The following GRK1 variants were observed in gnomAD, a reference collection of about 807,000 sequenced individuals.
The protein encoded by GRK1 is rhodopsin kinase GRK1.
GRK1 carries 28 observed loss-of-function variants against 41.7 expected under a neutral mutation model. That is an observed-to-expected ratio of 0.67 (90% CI 0.50 to 0.92). The LOEUF (loss-of-function observed/expected upper bound fraction) is 0.92. GRK1 is among the 40% of genes least tolerant of loss of function. The pLI is 0.00. For missense variants in GRK1, 703 were observed against 671.2 expected (o/e 1.05, Z -0.52); for synonymous variants, 327 against 286.7 (o/e 1.14, Z -1.42).
chr13:113,728,057 G>A (rs1320989092), intron 4 of GRK1, among the ~76,000 whole-genome samples: 2 of 70,616 alleles, frequency 2.8e-5, no homozygotes, highest in Non-Finnish European at 5.8e-5. Context: ...GCGATGAGGA[G>A]TACCCATGGC....
Position 113,723,130 on chromosome 13 carries a change from A to G in GRK1, c.1042A>G (p.Lys348Glu). 2 of 701,820 alleles carry G rather than the reference A, an allele frequency of 2.8e-6. No homozygotes were observed. The highest frequency in any genetic ancestry group is 5.2e-6 in the Non-Finnish European group (2 of 384,164). 43.5% of individuals were successfully genotyped at this position (701,820 alleles called of 1,614,324 possible). A position where few individuals can be genotyped will look rare whatever the true frequency, so the allele number is the denominator to read the frequency against. Residue 348 changes from lysine (K) to glutamate (E), a missense_variant, in exon 4 of 7, where the codon AAG (lysine) becomes GAG (glutamate). Coordinates refer to ENST00000335678, the MANE Select transcript of GRK1 (RefSeq NM_002929.3). ...LAVELLDGQS[K>E]TKGYAGTPGF... ...CGTGGAGCTGCTGGACGGACAGAGC[A>G]AGACCAAGGGCTACGCAGGGACCCC...
chr13:113,734,009 C>T (rs570603098), intron 6 of GRK1, among the ~76,000 whole-genome samples: 34 of 72,850 alleles, frequency 4.7e-4, no homozygotes, highest in African/African-American at 2.2e-3. Flanking sequence ...TGTGCGTGTG[C>T]GTGCATGTGT....
At chr13:113,658,808 A>AT in the GRK1 span, among the ~76,000 whole-genome samples, 1 of 152,138 alleles carries the variant, frequency 6.6e-6, no homozygotes, top group South Asian at 2.1e-4. Context: ...GCCCTTTAGG[A>AT]TTTTTTTGTG....
intron 6 of GRK1, among the ~76,000 whole-genome samples, chr13:113,733,551 G>GCA (rs2049955443): frequency 6.6e-6 from 1 of 151,308 alleles, no homozygotes; most frequent in African/African-American, 2.4e-5. Context: ...GCGTGTGCGC[G>GCA]CACGTGTGTC....
At chr13:113,652,940 G>A in the GRK1 span, 2 of 1,614,244 alleles carry the variant, frequency 1.2e-6, no homozygotes, top group Non-Finnish European at 1.7e-6. Flanking sequence ...CGCCAGGCCT[G>A]AGCAGTTCTG....
At chr13:113,655,744 T>C in the GRK1 span, among the ~76,000 whole-genome samples, 2 of 152,328 alleles carry the variant, frequency 1.3e-5, no homozygotes, top group Non-Finnish European at 2.9e-5. Flanking sequence ...AAGTCTGTAA[T>C]GAACTGGGCC....
rs2049995924 is a variant in GRK1 at position 113,735,342 on chromosome 13, A to C, written c.1671A>C (p.Ser557=). The C allele has an allele frequency of 6.6e-7, 1 of 1,515,518 alleles. No individual in the cohort carries two copies. Among genetic ancestry groups the C allele is most frequent in the African/African-American group, 1.4e-5 (1 of 72,484 alleles). 93.9% of individuals were successfully genotyped at this position (1,515,518 alleles called of 1,614,324 possible). ...GGGGCTCCAGCTCCTCGTCCAAGTC[A>C]GGGATGTGTCTGGTTTCCTAGGTGA... is the stretch of plus-strand genomic sequence containing the variant. ...ISGGSSSSSK[S]GMCLVS Residue 557 remains serine, a synonymous_variant, in exon 7 of 7, where the codon TCA becomes TCC. Transcript: ENST00000335678.
At chr13:113,654,946 C>T in the GRK1 span, 30 of 1,613,268 alleles carry the variant, frequency 1.9e-5, no homozygotes, top group African/African-American at 2.4e-4. Flanking sequence ...ATCCACACTG[C>T]GACACAAGGC....
At chr13:113,653,246 C>G in the GRK1 span, 1 of 1,474,602 alleles carries the variant, frequency 6.8e-7, no homozygotes, top group Non-Finnish European at 9.4e-7. Flanking sequence ...CCCGCCGCTT[C>G]ACACCTCACC....
chr13:113,658,593 G>T, the GRK1 span, among the ~76,000 whole-genome samples: 1 of 152,230 alleles, frequency 6.6e-6, no homozygotes, highest in Admixed American at 6.5e-5. Context: ...CTGGGAGGGC[G>T]TGAGGCAGGC....
intron 4 of GRK1, among the ~76,000 whole-genome samples, chr13:113,724,642 T>C (rs907333072): frequency 1.3e-5 from 2 of 152,196 alleles, no homozygotes; most frequent in Non-Finnish European, 2.9e-5. Context: ...GCCATCTGGA[T>C]GTGGGATTCC....
intron 6 of GRK1, among the ~76,000 whole-genome samples, chr13:113,734,202 G>A (rs912390327): frequency 3.3e-5 from 5 of 152,204 alleles, no homozygotes; most frequent in African/African-American, 4.8e-5. Flanking sequence ...GGTGACCAGG[G>A]AGCAGAAGAC....
At chr13:113,733,556 T>C (rs571703082) in intron 6 of GRK1, among the ~76,000 whole-genome samples, 131 of 151,238 alleles carry the variant, frequency 8.7e-4, no homozygotes, top group East Asian at 6.8e-3. Flanking sequence ...TGCGCGCACG[T>C]GTGTCCATGT....
rs561763915 is a variant in GRK1 at position 113,728,656 on chromosome 13, C to T, written c.1070-2563C>T. Among the ~76,000 whole-genome samples the T allele has an allele frequency of 4.6e-5, 7 of 152,260 alleles. No homozygotes were observed. In the East Asian group the frequency reaches 1.2e-3, roughly 25 times the overall value. ...CCATCACTCAGAGACGCCCCGGCTCCGTGGAACAGGCACAGGGCTGGACCA... is the reference window on the plus strand; with the variant it reads ...CCATCACTCAGAGACGCCCCGGCTCTGTGGAACAGGCACAGGGCTGGACCA... On this transcript the variant is annotated intron_variant, in intron 4 of 6. Transcript: ENST00000335678.
At chr13:113,657,123 G>A in the GRK1 span, among the ~76,000 whole-genome samples, 1 of 152,168 alleles carries the variant, frequency 6.6e-6, no homozygotes, top group African/African-American at 2.4e-5. Context: ...ATTTGGCAGC[G>A]TGTCACGGGC....
At chr13:113,655,932 C>T in the GRK1 span, among the ~76,000 whole-genome samples, 1 of 152,248 alleles carries the variant, frequency 6.6e-6, no homozygotes, top group East Asian at 1.9e-4. Flanking sequence ...CTGCCCTCTT[C>T]TGTGAGCTGG....
intron 6 of GRK1, among the ~76,000 whole-genome samples, chr13:113,733,806 TGTGC>T (rs1315343070): frequency 1.0e-5 from 1 of 97,726 alleles, no homozygotes; most frequent in Admixed American, 9.8e-5. Context: ...TGTGTATCTG[TGTGC>T]ATACGTGTGT....
Position 113,671,389 on chromosome 13 carries a change from C to T in GRK1, c.828-110C>T. The T allele has an allele frequency of 4.1e-6, 3 of 730,244 alleles. No individual in the cohort carries two copies. Among genetic ancestry groups the T allele is most frequent in the African/African-American group, 1.7e-5 (1 of 58,426 alleles). 45.2% of individuals were successfully genotyped at this position (730,244 alleles called of 1,614,324 possible). ...GACGTAGGGGGGCCAGGCCTCAAAACGACCAGAACGCTGGCCGAGAGACAT... is the reference window on the plus strand; with the variant it reads ...GACGTAGGGGGGCCAGGCCTCAAAATGACCAGAACGCTGGCCGAGAGACAT... On this transcript the variant is annotated intron_variant, in intron 2 of 6. Coordinates refer to ENST00000335678, the MANE Select transcript of GRK1 (RefSeq NM_002929.3). This position sits in a 1 kb window ranked among gnomAD's most constrained non-coding sequence, Gnocchi z 4.1.
chr13:113,733,016 G>C lies in GRK1; in HGVS notation c.1327G>C (p.Asp443His), dbSNP rs1264306766. Residue 443 changes from aspartate (D) to histidine (H), a missense_variant, in exon 6 of 7, where the codon GAT (aspartate) becomes CAT (histidine). Physicochemically the swap from Asp to His is moderately conservative, Grantham distance 81. Coordinates refer to ENST00000335678, the MANE Select transcript of GRK1 (RefSeq NM_002929.3). ...CCCGGAGAAGCGCCTGGGGTTCAGA[G>C]ATGAGACCTGCGACAAGCTCCGTGC... ...KDPEKRLGFR[D>H]ETCDKLRAHP... is the part of the protein sequence containing the mutation. 1 of 1,537,142 alleles carries C rather than the reference G, an allele frequency of 6.5e-7. No homozygotes were observed. The highest frequency in any genetic ancestry group is 2.0e-5 in the Admixed American group (1 of 51,006).
Sources: gnomAD v4.1 joint callset for allele counts (sites outside exome capture counted in the v4.1 genomes callset) on GRCh38, gnomAD v4.1.1 for gene constraint, Gnocchi (gnomAD v3.1) non-coding constraint, MANE v1.5 for transcripts, NCBI Gene and HGNC (gene_info 2026-07-23, HGNC 2026-07-21) for gene names.